Variants in CALCOCO2 observed in about 807,000 individuals in gnomAD.
CALCOCO2 encodes the protein calcium binding and coiled-coil domain 2.
CALCOCO2 carries 42 observed loss-of-function variants against 62.5 expected under a neutral mutation model. The ratio of observed to expected loss-of-function variants is 0.67; its 90% CI spans 0.53 to 0.87. CALCOCO2 has a LOEUF of 0.87. CALCOCO2 is among the 40% of genes least tolerant of loss of function. CALCOCO2 has a pLI of 0.00. For synonymous variants in CALCOCO2, 167 were observed against 173.0 expected (o/e 0.97, Z 0.27); for missense variants, 456 against 515.0 (o/e 0.89, Z 1.11).
At chr17:48,851,216 T>G (rs2040125405) in intron 6 of CALCOCO2, 39 bp downstream of exon 6, 1 of 1,155,506 alleles carries the variant, frequency 8.7e-7, no homozygotes, top group African/African-American at 1.5e-5. Context: ...GAAGAGCTGC[T>G]GTACCATCAG....
chr17:48,833,153 C>T (rs1418046326), intron 1 of CALCOCO2, among the ~76,000 whole-genome samples: 1 of 152,222 alleles, frequency 6.6e-6, no homozygotes, highest in African/African-American at 2.4e-5. Context: ...GTATCCACTG[C>T]TGGTATTCTT....
chr17:48,852,265 C>A lies in CALCOCO2; in HGVS notation c.703-241C>A, dbSNP rs16944248. On this transcript the variant is annotated intron_variant, in intron 7 of 12. Coordinates refer to ENST00000258947, the MANE Select transcript of CALCOCO2 (RefSeq NM_005831.5). ...TCTATATCAATAATCAAACTTTAAT[C>A]TTTTCAAGCAAAATCGTACTCAAAA... 2,113 of 389,654 alleles carry A rather than the reference C, an allele frequency of 5.4e-3. 52 individuals are homozygous for A. Among genetic ancestry groups the A allele is most frequent in the African/African-American group, 0.039 (1,929 of 49,252 alleles). The allele number at this position is 389,654 out of a possible 1,614,324, so 24.1% of individuals were successfully genotyped here.
At chr17:48,840,387 T>C (rs2039960841) in intron 1 of CALCOCO2, among the ~76,000 whole-genome samples, 1 of 152,182 alleles carries the variant, frequency 6.6e-6, no homozygotes, top group Admixed American at 6.6e-5. Flanking sequence ...CGCCTCTGCC[T>C]TCCAAAGTGC....
At chr17:48,840,490 A>C (rs1319059091) in intron 1 of CALCOCO2, among the ~76,000 whole-genome samples, 1 of 152,172 alleles carries the variant, frequency 6.6e-6, no homozygotes. Flanking sequence ...GGTGAAACAC[A>C]GTGTATTATC....
intron 1 of CALCOCO2, among the ~76,000 whole-genome samples, chr17:48,833,489 G>C (rs375155755): frequency 8.0e-5 from 12 of 150,848 alleles, no homozygotes; most frequent in East Asian, 3.9e-4. Flanking sequence ...AGAGGTTGTG[G>C]TGAGCTGAGA....
intron 9 of CALCOCO2, among the ~76,000 whole-genome samples, chr17:48,854,599 T>C (rs1394531576): frequency 6.7e-6 from 1 of 149,220 alleles, no homozygotes; most frequent in East Asian, 2.1e-4. Context: ...AGAGACGGGG[T>C]TTTGCCATGT....
chr17:48,836,234 G>C (rs1187233019), intron 1 of CALCOCO2, among the ~76,000 whole-genome samples: 1 of 152,102 alleles, frequency 6.6e-6, no homozygotes, highest in African/African-American at 2.4e-5. Context: ...TGTTCCTTTT[G>C]GTTTTTTGGC....
At chr17:48,835,048 C>CG (rs1555571688) in intron 1 of CALCOCO2, among the ~76,000 whole-genome samples, 8 of 151,644 alleles carry the variant, frequency 5.3e-5, no homozygotes, top group Admixed American at 2.0e-4. Flanking sequence ...CCTGCCCCCC[C>CG]GCAAAAAAAA....
At position 48,861,575 on chromosome 17, in the gene CALCOCO2, TCA is replaced by T. The variant is rs2040326395; in HGVS notation, c.1145-700_1145-699del. Among the ~76,000 whole-genome samples the T allele has an allele frequency of 5.3e-5, 8 of 151,200 alleles. No individual in the cohort carries two copies. The South Asian group carries it at 1.7e-3, about 32-fold the overall frequency. On this transcript the variant is annotated intron_variant, in intron 11 of 12. Coordinates refer to ENST00000258947, the MANE Select transcript of CALCOCO2 (RefSeq NM_005831.5). ...AATTGTTACTGTTTTTATTAAAATC[TCA>T]TTTTCCCCAATCTGAAAATAGCTTT...
At chr17:48,858,265 C>CT (rs2040273759) in intron 10 of CALCOCO2, among the ~76,000 whole-genome samples, 1 of 151,842 alleles carries the variant, frequency 6.6e-6, no homozygotes, top group South Asian at 2.1e-4. Flanking sequence ...TTGCAGAAGG[C>CT]TTTTTGGGTT....
intron 11 of CALCOCO2, among the ~76,000 whole-genome samples, chr17:48,861,949 T>C (rs2040333944): frequency 6.6e-6 from 1 of 150,602 alleles, no homozygotes; most frequent in South Asian, 2.1e-4. Flanking sequence ...CTCAGGAGGC[T>C]GAGGCAGGAG....
At chr17:48,856,934 G>GACTAT (rs1226525683) in intron 10 of CALCOCO2, among the ~76,000 whole-genome samples, 2 of 151,618 alleles carry the variant, frequency 1.3e-5, no homozygotes, top group Non-Finnish European at 2.9e-5. Context: ...AAGTAGCTGG[G>GACTAT]ACTATAGGCA....
chr17:48,847,521 G>T (rs956339481), intron 2 of CALCOCO2, among the ~76,000 whole-genome samples: 1 of 151,756 alleles, frequency 6.6e-6, no homozygotes, highest in African/African-American at 2.4e-5. Context: ...AGCTGTGTAT[G>T]TGCACCCCAA....
At chr17:48,854,382 T>TTATATATATATATATA (rs201839175) in intron 9 of CALCOCO2, among the ~76,000 whole-genome samples, 369 of 5,972 alleles carry the variant, frequency 0.062, 77 homozygotes, top group South Asian at 0.14. Flanking sequence ...TTTCTTTTAT[T>TTATATATATATATATA]TATATATATA....
intron 2 of CALCOCO2, among the ~76,000 whole-genome samples, chr17:48,844,605 G>A (rs1004758987): frequency 6.6e-6 from 1 of 151,866 alleles, no homozygotes; most frequent in African/African-American, 2.4e-5. Flanking sequence ...CAGGCACCCC[G>A]CCTCCCCAGT....
At chr17:48,831,457 A>C (rs989605395) in intron 1 of CALCOCO2, 1 of 152,178 alleles carries the variant, frequency 6.6e-6, no homozygotes, top group Non-Finnish European at 1.5e-5. Context: ...CCTCGCCTGG[A>C]TGTCATCGCC....
At chr17:48,857,512 T>TTTTTTTTTTTTTTTTTTTTTG (rs2040236954) in intron 10 of CALCOCO2, among the ~76,000 whole-genome samples, 1 of 134,104 alleles carries the variant, frequency 7.5e-6, no homozygotes, top group Non-Finnish European at 1.6e-5. Flanking sequence ...TTTTTTTTTT[T>TTTTTTTTTTTTTTTTTTTTTG]TTTTTTTTGA....
At chr17:48,846,179 C>T in intron 2 of CALCOCO2, 1 of 706,026 alleles carries the variant, frequency 1.4e-6, no homozygotes, top group East Asian at 2.9e-5. Context: ...CTCTGTCACC[C>T]AGGCTGGAGT....
chr17:48,854,378 T>TTTTTTATATATATATATATATA (rs1489635512), intron 9 of CALCOCO2, among the ~76,000 whole-genome samples: 2 of 12,160 alleles, frequency 1.6e-4, no homozygotes, highest in African/African-American at 3.1e-4. Context: ...TGGTTTTCTT[T>TTTTTTATATATATATATATATA]TATTTATATA....
Sources: allele counts gnomAD v4.1 joint callset (sites outside exome capture counted in the v4.1 genomes callset), GRCh38; gene constraint gnomAD v4.1.1; transcripts MANE v1.5; gene names NCBI Gene and HGNC (gene_info 2026-07-23, HGNC 2026-07-21).